The following ADGRL3 variants were observed in gnomAD, a reference collection of about 807,000 sequenced individuals.
ADGRL3 encodes adhesion G protein-coupled receptor L3, also known as calcium-independent alpha-latrotoxin receptor 3.
In ADGRL3, 62 loss-of-function variants were observed where a neutral mutation model predicts 153.5. That is an observed-to-expected ratio of 0.40 (90% CI 0.33 to 0.50). The LOEUF is 0.50. ADGRL3 is among the 20% of genes least tolerant of loss of function. The pLI, the probability that ADGRL3 is intolerant of heterozygous loss-of-function variation, is 0.47. For missense variants in ADGRL3, 1,641 were observed against 1,859.4 expected (o/e 0.88, Z 2.16); for synonymous variants, 710 against 672.5 (o/e 1.06, Z -0.86).
At chr4:61,887,331 A>G (rs912907315) in intron 9 of ADGRL3, among the ~76,000 whole-genome samples, 1 of 152,182 alleles carries the variant, frequency 6.6e-6, no homozygotes, top group South Asian at 2.1e-4. Flanking sequence ...ACTTATAATT[A>G]TATAATGCAT....
chr4:61,769,300 G>A (rs561471109), intron 8 of ADGRL3, among the ~76,000 whole-genome samples: 15 of 152,154 alleles, frequency 9.9e-5, no homozygotes, highest in African/African-American at 3.4e-4. Context: ...ATTAAGAGAA[G>A]GGAGAGATTG....
At chr4:61,382,584 C>T (rs2096683624) in intron 1 of ADGRL3, among the ~76,000 whole-genome samples, 1 of 151,576 alleles carries the variant, frequency 6.6e-6, no homozygotes, top group Admixed American at 6.6e-5. Flanking sequence ...CTGTTTATTT[C>T]TTTCTATTTT....
chr4:61,726,230 A>C (rs1409831358), intron 6 of ADGRL3, among the ~76,000 whole-genome samples: 1 of 54,106 alleles, frequency 1.8e-5, no homozygotes, highest in African/African-American at 7.1e-5. Flanking sequence ...AAGGAGTCTC[A>C]CCCTGTCGCC....
chr4:61,652,743 A>C (rs2094305247), intron 5 of ADGRL3, among the ~76,000 whole-genome samples: 1 of 152,204 alleles, frequency 6.6e-6, no homozygotes, highest in African/African-American at 2.4e-5. Context: ...TTCTGTCATA[A>C]TTATAACCAC....
chr4:61,612,288 G>A (rs1055877285), intron 5 of ADGRL3, among the ~76,000 whole-genome samples: 14 of 152,090 alleles, frequency 9.2e-5, no homozygotes, highest in Admixed American at 5.9e-4. Context: ...TTTATCAAAC[G>A]AATCATTTAT....
intron 1 of ADGRL3, among the ~76,000 whole-genome samples, chr4:61,371,360 G>A (rs1252957642): frequency 1.1e-4 from 16 of 151,460 alleles, no homozygotes; most frequent in South Asian, 2.1e-4. Flanking sequence ...ATTTTGCAGC[G>A]GCTGGTACCG....
intron 13 of ADGRL3, among the ~76,000 whole-genome samples, chr4:61,928,828 A>T (rs1016499809): frequency 2.0e-5 from 3 of 151,436 alleles, no homozygotes; most frequent in African/African-American, 7.4e-5. Flanking sequence ...ATAAAAAAGG[A>T]TGCTTTCAGT....
intron 17 of ADGRL3, among the ~76,000 whole-genome samples, chr4:61,950,470 T>C (rs1440772242): frequency 6.6e-6 from 1 of 152,218 alleles, no homozygotes; most frequent in Non-Finnish European, 1.5e-5. Context: ...AAAGATATTA[T>C]ATATCATGGT....
At chr4:61,323,121 T>C (rs563196721) in intron 1 of ADGRL3, among the ~76,000 whole-genome samples, 2 of 152,328 alleles carry the variant, frequency 1.3e-5, no homozygotes, top group East Asian at 3.9e-4. Flanking sequence ...TTGCACCCTC[T>C]GCAGCCACAG....
intron 23 of ADGRL3, among the ~76,000 whole-genome samples, chr4:62,036,528 T>G (rs1725103863): frequency 6.6e-6 from 1 of 152,134 alleles, no homozygotes; most frequent in African/African-American, 2.4e-5. Flanking sequence ...TCCTATATCT[T>G]TGACACAATG....
chr4:61,400,799 T>C (rs1365642199), intron 2 of ADGRL3, among the ~76,000 whole-genome samples: 2 of 134,906 alleles, frequency 1.5e-5, no homozygotes, highest in African/African-American at 5.4e-5. Context: ...AAATGCTCCA[T>C]ATGTGCAGCT....
intron 2 of ADGRL3, among the ~76,000 whole-genome samples, chr4:61,417,634 AT>A (rs1347789719): frequency 6.6e-6 from 1 of 152,098 alleles, no homozygotes; most frequent in Non-Finnish European, 1.5e-5. Context: ...TCTTGAAAAA[AT>A]TTAGAAAAAC....
intron 3 of ADGRL3, among the ~76,000 whole-genome samples, chr4:61,506,424 T>C (rs1180143703): frequency 6.6e-6 from 1 of 152,116 alleles, no homozygotes; most frequent in Non-Finnish European, 1.5e-5. Context: ...ACAGTTTCTC[T>C]AATTATGAGT....
At chr4:61,758,485 G>T (rs1373873303) in intron 8 of ADGRL3, among the ~76,000 whole-genome samples, 1 of 152,058 alleles carries the variant, frequency 6.6e-6, no homozygotes, top group African/African-American at 2.4e-5. Flanking sequence ...TGTTTTATCA[G>T]AGACTAGGAT....
intron 2 of ADGRL3, among the ~76,000 whole-genome samples, chr4:61,416,669 A>G (rs1010261944): frequency 1.3e-5 from 2 of 152,170 alleles, no homozygotes; most frequent in African/African-American, 4.8e-5. Context: ...ATTTTAAAAA[A>G]GAATTGGTAT....
chr4:61,906,947 T>C (rs1581403120), intron 11 of ADGRL3, among the ~76,000 whole-genome samples: 1 of 152,144 alleles, frequency 6.6e-6, no homozygotes, highest in South Asian at 2.1e-4. Flanking sequence ...GTCAAACAGC[T>C]TACAAAGAGA....
chr4:61,833,864 G>C (rs946088938), intron 9 of ADGRL3, among the ~76,000 whole-genome samples: 12 of 151,978 alleles, frequency 7.9e-5, no homozygotes, highest in Non-Finnish European at 1.3e-4. Context: ...ATGCCCAGGA[G>C]TGAACAGGAG....
intron 20 of ADGRL3, among the ~76,000 whole-genome samples, chr4:61,996,751 T>G (rs2099123046): frequency 6.6e-6 from 1 of 152,204 alleles, no homozygotes. Flanking sequence ...AACACCTGAC[T>G]GTTCCTATCA....
chr4:61,380,746 A>C (rs2096657791), intron 1 of ADGRL3, among the ~76,000 whole-genome samples: 1 of 151,982 alleles, frequency 6.6e-6, no homozygotes, highest in South Asian at 2.1e-4. Context: ...ATTTTTATCC[A>C]AAATAAATTA....
Sources: gnomAD v4.1 joint callset for allele counts (sites outside exome capture counted in the v4.1 genomes callset) on GRCh38, gnomAD v4.1.1 for gene constraint, MANE v1.5 for transcripts, NCBI Gene and HGNC (gene_info 2026-07-23, HGNC 2026-07-21) for gene names.